The following ADAM19 variants were observed in gnomAD, a reference collection of about 807,000 sequenced individuals.
The protein encoded by ADAM19 is disintegrin and metalloproteinase domain-containing protein 19.
In ADAM19, 65 loss-of-function variants were observed where a neutral mutation model predicts 114.7. That is an observed-to-expected ratio of 0.57 (90% confidence interval 0.46 to 0.70). The LOEUF (loss-of-function observed/expected upper bound fraction) is 0.70, where lower values mean the gene tolerates loss of function less well. Ranked by LOEUF, ADAM19 falls within the 30% of genes least tolerant of loss-of-function variation. ADAM19 has a pLI of 0.00. For synonymous variants in ADAM19, 466 were observed against 460.5 expected, an observed-to-expected ratio of 1.01 and a Z score of -0.15; for missense variants, 1,063 against 1,204.7, an observed-to-expected ratio of 0.88 and a Z score of 1.74.
chr5:157,491,075 T>C (rs1399015984), intron 18 of ADAM19, among the ~76,000 whole-genome samples: 1 of 152,150 alleles, frequency 6.6e-6, no homozygotes, highest in African/African-American at 2.4e-5. Flanking sequence ...CAGTTTTACA[T>C]ATTGGGGTTT....
At chr5:157,481,299 C>A in intron 22 of ADAM19, 3 of 571,342 alleles carry the variant, frequency 5.3e-6, no homozygotes, top group South Asian at 4.3e-5. Context: ...GCATGGTCAG[C>A]CAGCTTCTTC....
At chr5:157,552,052 G>A (rs1165600980) in intron 3 of ADAM19, among the ~76,000 whole-genome samples, 1 of 152,150 alleles carries the variant, frequency 6.6e-6, no homozygotes, top group Non-Finnish European at 1.5e-5. Context: ...TCAAGAGACT[G>A]AGGCTCAAGA....
Position 157,494,711 on chromosome 5 carries a change from C to G in ADAM19, c.1679G>C (p.Gly560Ala), listed in dbSNP as rs1223509177. The change falls in exon 15 of 23, where the codon GGT becomes GCT. Residue 560 changes from glycine to alanine, a missense_variant. By Grantham distance (60) the Gly-to-Ala change is moderately conservative. Coordinates refer to ENST00000257527, the MANE Select transcript of ADAM19 (RefSeq NM_033274.5). Reference protein sequence around the residue: ...TFGNCGKDMNGEHRKCNMRDA... With the variant: ...TFGNCGKDMNAEHRKCNMRDA... ...CCTCATGTTGCACTTCCTGTGTTCA[C>G]CATTCATGTCCTTTCCACAGTTTCC... The G allele has an allele frequency of 6.2e-7, 1 of 1,613,692 alleles. No individual in the cohort carries two copies. Among genetic ancestry groups the G allele is most frequent in the Non-Finnish European group, 8.5e-7 (1 of 1,179,692 alleles).
intron 14 of ADAM19, among the ~76,000 whole-genome samples, chr5:157,495,045 A>G (rs755439361): frequency 6.6e-6 from 1 of 151,970 alleles, no homozygotes; most frequent in Non-Finnish European, 1.5e-5. Flanking sequence ...GCTGTAATAC[A>G]GTGGCACAAT....
At position 157,556,766 on chromosome 5, in the gene ADAM19, T is replaced by C. The variant is rs556311638; in HGVS notation, c.251+7607A>G. Among the ~76,000 whole-genome samples the C allele has an allele frequency of 6.6e-5, 10 of 152,378 alleles. No homozygotes were observed. In the South Asian group the frequency reaches 1.9e-3, roughly 28 times the overall value. ...AACTCCTCATGCTTGAGTTTCATTA[T>C]AAAATGCAGACAACAATATCTCATT... On this transcript the variant is annotated intron_variant, in intron 3 of 22. Transcript: ENST00000257527.
At chr5:157,500,718 T>G (rs1755532579) in intron 12 of ADAM19, among the ~76,000 whole-genome samples, 1 of 152,192 alleles carries the variant, frequency 6.6e-6, no homozygotes, top group African/African-American at 2.4e-5. Flanking sequence ...GCCTGGACCT[T>G]TCTGGAACAG....
chr5:157,526,840 C>T lies in ADAM19; in HGVS notation c.407+3967G>A, dbSNP rs186415349. On this transcript the variant is annotated intron_variant, in intron 5 of 22. Transcript: ENST00000257527. ...TTTGCCATGTCGGCCAGGTTGGTCT[C>T]GAACTCCTGACCTCAAGTGATCTGC... Among the ~76,000 whole-genome samples, 622 of 152,132 alleles carry T rather than the reference C, an allele frequency of 4.1e-3. 4 individuals are homozygous for T. The highest frequency in any genetic ancestry group is 0.014 in the African/African-American group (584 of 41,466).
chr5:157,517,652 G>A (rs1385785892), intron 7 of ADAM19, among the ~76,000 whole-genome samples: 1 of 152,172 alleles, frequency 6.6e-6, no homozygotes, highest in Non-Finnish European at 1.5e-5. Context: ...TTTGTGTGCT[G>A]TTACTGCAAA....
intron 3 of ADAM19, among the ~76,000 whole-genome samples, chr5:157,548,355 C>A (rs115916940): frequency 4.6e-4 from 70 of 152,294 alleles, no homozygotes; most frequent in African/African-American, 1.7e-3. Context: ...TTGATTCTCC[C>A]GGGAATAACC....
In ADAM19 at chr5:157,481,919, G is replaced by T; in HGVS notation, c.2575C>A (p.Gln859Lys). The stretch of plus-strand genomic sequence containing the variant: ...ACTGGGTTTGCCGGGAGTGCCTTCT[G>T]GGGCGGCCGAGGCCTGGAGAAGTCC... Reference protein sequence around the residue: ...SQDFSRPRPPQKALPANPVPG... With the variant: ...SQDFSRPRPPKKALPANPVPG... The change falls in exon 22 of 23, where the codon CAG (glutamine) becomes AAG (lysine). Residue 859 changes from glutamine (Q) to lysine (K), a missense_variant. Transcript: ENST00000257527. The T allele has an allele frequency of 6.2e-7, 1 of 1,605,950 alleles. No individual in the cohort carries two copies. Among genetic ancestry groups the T allele is most frequent in the Non-Finnish European group, 8.5e-7 (1 of 1,175,706 alleles).
At chr5:157,569,776 T>A (rs1038849667) in intron 2 of ADAM19, among the ~76,000 whole-genome samples, 1 of 152,196 alleles carries the variant, frequency 6.6e-6, no homozygotes, top group African/African-American at 2.4e-5. Flanking sequence ...AAATCACAAA[T>A]CATTTTAACC....
intron 3 of ADAM19, among the ~76,000 whole-genome samples, chr5:157,559,181 G>A (rs140144224): frequency 1.2e-3 from 181 of 152,290 alleles, no homozygotes; most frequent in African/African-American, 3.8e-3. Flanking sequence ...ACAAACGCCC[G>A]TTCTTATTAA....
rs796710267 is a variant in ADAM19 at position 157,511,954 on chromosome 5, A to G, written c.738+1480T>C. On this transcript the variant is annotated intron_variant, in intron 8 of 22. Coordinates refer to ENST00000257527, the MANE Select transcript of ADAM19 (RefSeq NM_033274.5). ...ACCAGCGCCCTTGGTTCCATCACAT[A>G]CCCCACAGAGGGGATACCCAGCCAA... Among the ~76,000 whole-genome samples, 3 of 152,100 alleles carry G rather than the reference A, an allele frequency of 2.0e-5. 1 individual carries two copies. Among genetic ancestry groups the G allele is most frequent in the African/African-American group, 7.2e-5 (3 of 41,474 alleles).
At chr5:157,568,970 C>T (rs1044749704) in intron 2 of ADAM19, 1 of 152,060 alleles carries the variant, frequency 6.6e-6, no homozygotes, top group Non-Finnish European at 1.5e-5. Context: ...GTTCTCAGGC[C>T]CTTCCTGAGG....
intron 3 of ADAM19, among the ~76,000 whole-genome samples, chr5:157,545,731 A>G (rs1757031235): frequency 6.6e-6 from 1 of 152,222 alleles, no homozygotes; most frequent in Non-Finnish European, 1.5e-5. Context: ...TCATTTCAAT[A>G]AACTAGAGTA....
chr5:157,537,263 T>C (rs72811329), intron 4 of ADAM19, among the ~76,000 whole-genome samples: 1 of 152,278 alleles, frequency 6.6e-6, no homozygotes, highest in Non-Finnish European at 1.5e-5. Context: ...CACCATGAAA[T>C]GTGTATCATT....
chr5:157,526,046 T>TA (rs1756442868), intron 5 of ADAM19, among the ~76,000 whole-genome samples: 1 of 152,056 alleles, frequency 6.6e-6, no homozygotes, highest in African/African-American at 2.4e-5. Context: ...ATGCAACCAT[T>TA]AAAAGAATGA....
intron 5 of ADAM19, among the ~76,000 whole-genome samples, chr5:157,526,489 A>G (rs1756465467): frequency 6.6e-6 from 1 of 152,244 alleles, no homozygotes; most frequent in African/African-American, 2.4e-5. Context: ...AGAGTTTCCC[A>G]GAACACACAG....
chr5:157,560,391 A>C (rs982196872), intron 3 of ADAM19, among the ~76,000 whole-genome samples: 6 of 151,584 alleles, frequency 4.0e-5, no homozygotes, highest in African/African-American at 1.2e-4. Context: ...TGGCTTTTTG[A>C]CCAATTTCAT....
Sources: allele counts gnomAD v4.1 joint callset (sites outside exome capture counted in the v4.1 genomes callset), GRCh38; gene constraint gnomAD v4.1.1; transcripts MANE v1.5; gene names NCBI Gene and HGNC (gene_info 2026-07-23, HGNC 2026-07-21).